RARB: variants seen among roughly 807,000 people sequenced by gnomAD.
RARB encodes retinoic acid receptor beta, also known as HBV-activated protein.
RARB carries 17 observed loss-of-function variants against 51.9 expected under a neutral mutation model. The observed-to-expected ratio is 0.33, with a 90% CI of 0.22 to 0.49. The LOEUF is 0.49. RARB is among the 20% of genes least tolerant of loss of function. The pLI is 0.99. For missense variants in RARB, 369 were observed against 550.8 expected (o/e 0.67, Z 3.30); for synonymous variants, 215 against 195.4 (o/e 1.10, Z -0.84).
At chr3:24,948,108 G>A (rs1695813116) in intron 2 of RARB, among the ~76,000 whole-genome samples, 1 of 152,138 alleles carries the variant, frequency 6.6e-6, no homozygotes, top group South Asian at 2.1e-4. Context: ...TCAGGCCAGG[G>A]GGCCTGGGGA....
chr3:25,452,611 C>A (rs967112268), intron 1 of RARB, among the ~76,000 whole-genome samples: 1 of 152,036 alleles, frequency 6.6e-6, no homozygotes, highest in South Asian at 2.1e-4. Flanking sequence ...AACCCTGTGA[C>A]CTTCCCAGAC....
At chr3:25,239,996 G>T (rs1702392223) in intron 5 of RARB, among the ~76,000 whole-genome samples, 1 of 149,942 alleles carries the variant, frequency 6.7e-6, no homozygotes. Flanking sequence ...CCTTGTAGTG[G>T]TCTTTCAATT....
At chr3:24,978,612 A>AT (rs1285714843) in intron 2 of RARB, among the ~76,000 whole-genome samples, 2 of 151,324 alleles carry the variant, frequency 1.3e-5, no homozygotes, top group Admixed American at 6.6e-5. Flanking sequence ...CCCCTTTATG[A>AT]TTTTTTTATT....
chr3:25,267,616 C>T (rs1703157313), intron 5 of RARB, among the ~76,000 whole-genome samples: 2 of 152,174 alleles, frequency 1.3e-5, no homozygotes, highest in Admixed American at 1.3e-4. Flanking sequence ...ACAGAACCTT[C>T]TCTTCCCCAT....
chr3:25,588,467 C>A (rs963886147), intron 5 of RARB, among the ~76,000 whole-genome samples: 1 of 152,122 alleles, frequency 6.6e-6, no homozygotes, highest in Non-Finnish European at 1.5e-5. Context: ...AAGCTGTACT[C>A]GAGATTTGTG....
chr3:25,431,252 T>C (rs1708195798), intron 1 of RARB, among the ~76,000 whole-genome samples: 1 of 152,170 alleles, frequency 6.6e-6, no homozygotes, highest in Non-Finnish European at 1.5e-5. Flanking sequence ...ATTTTCTGCT[T>C]TGAGTTTTTT....
At chr3:25,177,964 T>G (rs1039321343) in intron 5 of RARB, among the ~76,000 whole-genome samples, 3 of 152,174 alleles carry the variant, frequency 2.0e-5, no homozygotes, top group African/African-American at 7.2e-5. Flanking sequence ...AATCAGATCA[T>G]ACCCAAGATC....
intron 5 of RARB, among the ~76,000 whole-genome samples, chr3:25,345,729 A>T (rs896496890): frequency 2.0e-5 from 3 of 152,186 alleles, no homozygotes; most frequent in Admixed American, 1.3e-4. Flanking sequence ...GGAAAAGCTA[A>T]AAAGATATTG....
At chr3:25,306,668 A>G (rs1704159484) in intron 5 of RARB, among the ~76,000 whole-genome samples, 2 of 152,200 alleles carry the variant, frequency 1.3e-5, no homozygotes, top group South Asian at 2.1e-4. Flanking sequence ...CATGACCTAT[A>G]GTTCATGTGA....
chr3:25,081,813 A>C (rs1699011408), intron 3 of RARB, among the ~76,000 whole-genome samples: 1 of 149,592 alleles, frequency 6.7e-6, no homozygotes, highest in Non-Finnish European at 1.5e-5. Context: ...TTGTACTTTC[A>C]GTAGAGATGG....
In RARB at chr3:25,140,176, T is replaced by C. The variant is rs564597254; in HGVS notation, c.-280+7968T>C. Among the ~76,000 whole-genome samples the C allele has an allele frequency of 1.2e-4, 18 of 152,306 alleles. No individual in the cohort carries two copies. In the South Asian group the frequency reaches 3.7e-3, roughly 32 times the overall value. On this transcript the variant is annotated intron_variant, in intron 4 of 11. Coordinates refer to the RARB transcript ENST00000383772. ...AGTAACTTCAACTTTTAGGCCTTAT[T>C]ATTTAATAAATACATTTTGTAAGGT...
At chr3:25,339,707 A>G (rs1470305512) in intron 5 of RARB, among the ~76,000 whole-genome samples, 2 of 151,746 alleles carry the variant, frequency 1.3e-5, no homozygotes, top group Non-Finnish European at 2.9e-5. Context: ...ATCCTGTGTT[A>G]TAGCCGTGGT....
chr3:24,916,766 TCAA>T (rs1254280333), intron 2 of RARB, among the ~76,000 whole-genome samples: 2 of 26,718 alleles, frequency 7.5e-5, no homozygotes, highest in African/African-American at 2.3e-4. Flanking sequence ...TGTTTGCTGT[TCAA>T]AAAAAAAAAA....
chr3:25,426,671 T>C (rs979612357), upstream of RARB, among the ~76,000 whole-genome samples: 1 of 152,216 alleles, frequency 6.6e-6, no homozygotes, highest in African/African-American at 2.4e-5. Flanking sequence ...CTGCCCTGTT[T>C]TGTGGGAGAA....
At chr3:24,988,552 C>A (rs1696843143) in intron 2 of RARB, among the ~76,000 whole-genome samples, 1 of 152,080 alleles carries the variant, frequency 6.6e-6, no homozygotes, top group South Asian at 2.1e-4. Flanking sequence ...GGGAAGTATA[C>A]TTCTGGTTCG....
At chr3:25,415,539 C>T (rs1218825124) in intron 5 of RARB, among the ~76,000 whole-genome samples, 1 of 152,072 alleles carries the variant, frequency 6.6e-6, no homozygotes, top group Non-Finnish European at 1.5e-5. Flanking sequence ...TGTTCCAGCA[C>T]TATTTTTAGG....
chr3:25,141,124 T>C (rs779775108), intron 4 of RARB, among the ~76,000 whole-genome samples: 3 of 152,132 alleles, frequency 2.0e-5, no homozygotes, highest in African/African-American at 4.8e-5. Context: ...TATTAAAAAA[T>C]GTGTCTCTTT....
At chr3:25,381,861 C>T (rs1455981124) in intron 5 of RARB, among the ~76,000 whole-genome samples, 1 of 152,158 alleles carries the variant, frequency 6.6e-6, no homozygotes, top group Non-Finnish European at 1.5e-5. Flanking sequence ...TCTGATGATG[C>T]TAATGCTTGA....
intron 5 of RARB, among the ~76,000 whole-genome samples, chr3:25,202,927 G>C (rs1303443637): frequency 1.3e-5 from 2 of 152,190 alleles, no homozygotes; most frequent in African/African-American, 2.4e-5. Flanking sequence ...TTGGGGTGGA[G>C]AGTTCTGTAG....
Sources: allele counts gnomAD v4.1 joint callset (sites outside exome capture counted in the v4.1 genomes callset), GRCh38; gene constraint gnomAD v4.1.1; transcripts MANE v1.5; gene names NCBI Gene and HGNC (gene_info 2026-07-23, HGNC 2026-07-21).